The following ARHGEF28 variants were observed in gnomAD, a reference collection of about 807,000 sequenced individuals.
ARHGEF28 encodes the protein Rho guanine nucleotide exchange factor 28.
Under a neutral mutation model 206.6 loss-of-function variants are expected in ARHGEF28, and 152 were observed. The observed-to-expected ratio is 0.74, with a 90% confidence interval of 0.64 to 0.84. The LOEUF (loss-of-function observed/expected upper bound fraction) is 0.84, where lower values mean the gene tolerates loss of function less well. ARHGEF28 is among the 40% of genes least tolerant of loss of function. The pLI, the probability that ARHGEF28 is intolerant of heterozygous loss-of-function variation, is 0.00. For missense variants in ARHGEF28, 2,028 were observed against 2,073.2 expected (o/e 0.98, Z 0.42); for synonymous variants, 763 against 776.4 (o/e 0.98, Z 0.29).
chr5:73,676,455 T>C (rs1746695292), intron 1 of ARHGEF28, among the ~76,000 whole-genome samples: 1 of 152,108 alleles, frequency 6.6e-6, no homozygotes, highest in African/African-American at 2.4e-5. Flanking sequence ...GCCAGACTGG[T>C]CTCGAACTCC....
rs1417734856 is a variant in ARHGEF28 at position 73,774,017 on chromosome 5, A to G, written c.638A>G (p.Lys213Arg). The change falls in exon 5 of 36, where the codon AAG becomes AGG. Residue 213 changes from lysine (K) to arginine (R), a missense_variant. Lys to Arg is a conservative substitution (Grantham distance 26, BLOSUM62 2). Around this residue, in one of 3 missense-constraint regions of ARHGEF28, gnomAD observed 1,002 missense variants for 1,015.3 expected, o/e 0.99. Transcript: ENST00000513042. The part of the protein sequence containing the change: ...LDLALREGHS[K>R]LVEDVTNFQG... ...TTAGCTTTACGTGAAGGACACTCCA[A>G]GCTGGTGGAAGACGTCACAAAGTGA... 3.1e-6 allele frequency: 5 copies of G among 1,597,578 alleles called. No homozygotes were observed. Among genetic ancestry groups the G allele is most frequent in the Non-Finnish European group, 4.3e-6 (5 of 1,171,960 alleles).
At chr5:73,927,207 TAAAAATA>T in intron 35 of ARHGEF28, among the ~76,000 whole-genome samples, 1 of 149,174 alleles carries the variant, frequency 6.7e-6, no homozygotes, top group Non-Finnish European at 1.5e-5. Flanking sequence ...AAAAAAAAAA[TAAAAATA>T]AAAAATAAAA....
At chr5:73,780,569 C>T (rs1197460119) in intron 6 of ARHGEF28, 107 bp from the exon 7 acceptor site, 2 of 1,188,308 alleles carry the variant, frequency 1.7e-6, no homozygotes, top group East Asian at 2.6e-5. Flanking sequence ...TTCCCAACCT[C>T]CTAGCTCTGA....
intron 13 of ARHGEF28, among the ~76,000 whole-genome samples, chr5:73,850,245 C>A (rs533382020): frequency 6.6e-6 from 1 of 151,900 alleles, no homozygotes; most frequent in South Asian, 2.1e-4. Flanking sequence ...GAAATGCTAC[C>A]ATGATTTTTG....
chr5:73,742,526 T>C (rs1255498930), intron 2 of ARHGEF28, among the ~76,000 whole-genome samples: 1 of 151,876 alleles, frequency 6.6e-6, no homozygotes, highest in Non-Finnish European at 1.5e-5. Context: ...ATTATAAATA[T>C]GATAAAAGTA....
intron 9 of ARHGEF28, among the ~76,000 whole-genome samples, chr5:73,810,446 T>C (rs1285802906): frequency 6.6e-6 from 1 of 152,194 alleles, no homozygotes; most frequent in Non-Finnish European, 1.5e-5. Flanking sequence ...AGAAATACTT[T>C]TTATGCAGTT....
At chr5:73,650,382 T>C (rs926649649) in intron 1 of ARHGEF28, among the ~76,000 whole-genome samples, 1 of 150,464 alleles carries the variant, frequency 6.6e-6, no homozygotes, top group Non-Finnish European at 1.5e-5. Flanking sequence ...CCTCTTGGGT[T>C]CAAGTGATTC....
At chr5:73,740,969 G>A (rs1023684056) in intron 2 of ARHGEF28, among the ~76,000 whole-genome samples, 1 of 152,108 alleles carries the variant, frequency 6.6e-6, no homozygotes, top group Non-Finnish European at 1.5e-5. Context: ...TTGATGATTT[G>A]GGGGCCAGTA....
intron 4 of ARHGEF28, among the ~76,000 whole-genome samples, chr5:73,772,575 TA>T (rs1235879252): frequency 1.3e-5 from 2 of 152,090 alleles, no homozygotes; most frequent in East Asian, 3.9e-4. Flanking sequence ...CAGTGGGTTT[TA>T]CCACATTCAC....
intron 2 of ARHGEF28, among the ~76,000 whole-genome samples, chr5:73,737,135 G>A (rs1037417259): frequency 6.6e-6 from 1 of 151,938 alleles, no homozygotes; most frequent in African/African-American, 2.4e-5. Context: ...TGCTTCTTTG[G>A]CCCTCAGCTC....
chr5:73,649,640 A>G (rs1339255494), intron 1 of ARHGEF28, among the ~76,000 whole-genome samples: 1 of 152,196 alleles, frequency 6.6e-6, no homozygotes, highest in Non-Finnish European at 1.5e-5. Flanking sequence ...AATTTTATTT[A>G]GTTATACTGT....
chr5:73,834,232 A>G (rs1757469615), intron 10 of ARHGEF28, among the ~76,000 whole-genome samples: 1 of 152,190 alleles, frequency 6.6e-6, no homozygotes, highest in African/African-American at 2.4e-5. Flanking sequence ...AATTTCAAGT[A>G]CAAAGTGCAT....
chr5:73,867,508 G>A (rs937028044), intron 18 of ARHGEF28, among the ~76,000 whole-genome samples: 1 of 152,176 alleles, frequency 6.6e-6, no homozygotes, highest in Non-Finnish European at 1.5e-5. Flanking sequence ...TATGCATTCA[G>A]TAACAGTACT....
intron 22 of ARHGEF28, among the ~76,000 whole-genome samples, chr5:73,876,334 G>A (rs1180351078): frequency 1.1e-5 from 1 of 88,910 alleles, no homozygotes; most frequent in African/African-American, 5.5e-5. Flanking sequence ...AGACAATGGG[G>A]TTTTCTAGAT....
intron 2 of ARHGEF28, among the ~76,000 whole-genome samples, chr5:73,735,294 T>G (rs1347045116): frequency 6.6e-6 from 1 of 152,034 alleles, no homozygotes; most frequent in African/African-American, 2.4e-5. Context: ...AGAAGTGCTA[T>G]GCAAGTGCCG....
intron 2 of ARHGEF28, among the ~76,000 whole-genome samples, chr5:73,739,952 GAGGCCC>G (rs1301041277): frequency 6.7e-6 from 1 of 150,194 alleles, no homozygotes; most frequent in African/African-American, 2.4e-5. Flanking sequence ...GGGGTCATTT[GAGGCCC>G]AGGAGTACAA....
intron 35 of ARHGEF28, among the ~76,000 whole-genome samples, chr5:73,930,712 C>T (rs1430415835): frequency 1.3e-5 from 2 of 152,208 alleles, no homozygotes; most frequent in African/African-American, 4.8e-5. Flanking sequence ...TATTTGCATA[C>T]CTTCTCCCTT....
intron 1 of ARHGEF28, among the ~76,000 whole-genome samples, chr5:73,630,582 C>A (rs1446705427): frequency 6.6e-6 from 1 of 152,156 alleles, no homozygotes; most frequent in African/African-American, 2.4e-5. Context: ...TTTCAGCTTT[C>A]AGAAGGTAGT....
chr5:73,740,792 G>A (rs1016442299), intron 2 of ARHGEF28, among the ~76,000 whole-genome samples: 1 of 152,122 alleles, frequency 6.6e-6, no homozygotes, highest in Non-Finnish European at 1.5e-5. Flanking sequence ...TGTCTGACAG[G>A]TATAAAGCAG....
Sources: allele counts gnomAD v4.1 joint callset (sites outside exome capture counted in the v4.1 genomes callset), GRCh38; gene constraint gnomAD v4.1.1; regional missense constraint gnomAD v4.1.1; transcripts MANE v1.5; gene names NCBI Gene and HGNC (gene_info 2026-07-23, HGNC 2026-07-21).